The following LRMDA variants were observed in gnomAD, a reference collection of about 807,000 sequenced individuals.
The protein encoded by LRMDA is leucine rich melanocyte differentiation associated, also known as leucine-rich melanocyte differentiation-associated protein.
In LRMDA, 18 loss-of-function variants were observed where a neutral mutation model predicts 29.8. That is an observed-to-expected ratio of 0.60 (90% CI 0.42 to 0.90). The LOEUF is 0.90. Ranked by LOEUF, LRMDA falls within the 40% of genes least tolerant of loss-of-function variation. The pLI is 0.00. For synonymous variants in LRMDA, 125 were observed against 109.4 expected (o/e 1.14, Z -0.89); for missense variants, 273 against 273.9 (o/e 1.00, Z 0.02).
chr10:75,968,370 C>A (rs974831056), intron 2 of LRMDA, among the ~76,000 whole-genome samples: 4 of 152,134 alleles, frequency 2.6e-5, no homozygotes, highest in African/African-American at 9.7e-5. Context: ...GCCGGGAGAC[C>A]AGCCCATCTT....
intron 2 of LRMDA, among the ~76,000 whole-genome samples, chr10:75,921,140 G>A (rs1285875070): frequency 6.6e-6 from 1 of 152,158 alleles, no homozygotes; most frequent in African/African-American, 2.4e-5. Context: ...AAAATGCCAA[G>A]TTGCTGGAGA....
At chr10:75,515,566 G>C (rs2132034472) in intron 2 of LRMDA, among the ~76,000 whole-genome samples, 1 of 152,160 alleles carries the variant, frequency 6.6e-6, no homozygotes, top group South Asian at 2.1e-4. Context: ...TAATAGTAAA[G>C]ACAGGGTCTT....
At chr10:76,165,889 A>C in intron 5 of LRMDA, among the ~76,000 whole-genome samples, 1 of 152,210 alleles carries the variant, frequency 6.6e-6, no homozygotes, top group East Asian at 1.9e-4. Context: ...CCATATCAGC[A>C]CACTCATTCA....
intron 2 of LRMDA, among the ~76,000 whole-genome samples, chr10:75,468,273 C>CT (rs1265187409): frequency 6.6e-6 from 1 of 151,950 alleles, no homozygotes. Flanking sequence ...TAACTGAATC[C>CT]TTTTTTTGGG....
At chr10:76,397,746 C>G (rs1201613260) in intron 6 of LRMDA, among the ~76,000 whole-genome samples, 1 of 152,152 alleles carries the variant, frequency 6.6e-6, no homozygotes, top group Non-Finnish European at 1.5e-5. Context: ...TCAACAGTTC[C>G]CCTGCAGGAT....
chr10:76,237,235 A>G (rs1331320974), intron 5 of LRMDA, among the ~76,000 whole-genome samples: 2 of 152,214 alleles, frequency 1.3e-5, no homozygotes, highest in African/African-American at 4.8e-5. Flanking sequence ...CCCCATAAAC[A>G]TTACTGAAAA....
chr10:75,521,335 A>G (rs536452234), intron 2 of LRMDA, among the ~76,000 whole-genome samples: 12 of 152,356 alleles, frequency 7.9e-5, no homozygotes, highest in African/African-American at 2.2e-4. Context: ...TAGAGGCAGT[A>G]GGCCTTGCTG....
intron 5 of LRMDA, among the ~76,000 whole-genome samples, chr10:76,141,670 G>A (rs1850203426): frequency 1.3e-5 from 2 of 152,022 alleles, no homozygotes; most frequent in African/African-American, 4.8e-5. Context: ...AATTCGAAAG[G>A]TGATCTAGAT....
In LRMDA at chr10:76,058,792, C is replaced by A; in HGVS notation, c.516+9C>A. 6.3e-7 allele frequency: 1 copy of A among 1,592,430 alleles called. No individual in the cohort carries two copies. Among genetic ancestry groups the A allele is most frequent in the Non-Finnish European group, 8.6e-7 (1 of 1,160,304 alleles). On this transcript the variant is annotated intron_variant, in intron 5 of 6. Transcript: ENST00000611255. ...AGGTGGTGAAGCCCAAGGTGAGCTG[C>A]CTACTTGCTGTTCTTCACAAGGGAT...
rs1257552921 is a variant in LRMDA at position 76,498,830 on chromosome 10, CTT to C, written c.602-58378_602-58377del. Among the ~76,000 whole-genome samples, 5 of 75,852 alleles carry C rather than the reference CTT, an allele frequency of 6.6e-5. 2 individuals carry two copies. The East Asian group carries it at 1.3e-3, about 19-fold the overall frequency. 49.8% of individuals were successfully genotyped at this position (75,852 alleles called of 152,430 possible). On this transcript the variant is annotated intron_variant, in intron 6 of 6. Transcript: ENST00000611255. ...AACTGAAATGGGTCTTCTTTTGACT[CTT>C]GGTCTTTCCTTAGTTAAGGGTGAGG...
intron 5 of LRMDA, among the ~76,000 whole-genome samples, chr10:76,317,616 C>T (rs551005491): frequency 6.6e-6 from 1 of 152,208 alleles, no homozygotes; most frequent in Non-Finnish European, 1.5e-5. Context: ...CTCTGTCACC[C>T]AGGCTGGAGT....
In LRMDA at chr10:75,783,775, A is replaced by G. The variant is rs1402871917; in HGVS notation, c.132-252233A>G. On this transcript the variant is annotated intron_variant, in intron 2 of 6. Transcript: ENST00000611255. ...AAGCGCCAGGCACATTACCTGGGAC[A>G]TGGTGAGCAAGTGCTCAATAAATGT... Among the ~76,000 whole-genome samples, 10 of 152,352 alleles carry G rather than the reference A, an allele frequency of 6.6e-5. No homozygotes were observed. In the South Asian group the frequency reaches 1.0e-3, roughly 16 times the overall value.
chr10:76,221,845 A>G (rs1310167458), intron 5 of LRMDA, among the ~76,000 whole-genome samples: 2 of 152,148 alleles, frequency 1.3e-5, no homozygotes, highest in Non-Finnish European at 2.9e-5. Flanking sequence ...AGCTGGAGGC[A>G]TCACACTACC....
intron 6 of LRMDA, among the ~76,000 whole-genome samples, chr10:76,462,889 G>C (rs763558241): frequency 3.9e-5 from 6 of 152,166 alleles, no homozygotes; most frequent in Non-Finnish European, 8.8e-5. Context: ...ACTTCCCGCT[G>C]TTCCCCTGTG....
At chr10:75,911,005 A>T (rs181166217) in intron 2 of LRMDA, among the ~76,000 whole-genome samples, 1 of 150,782 alleles carries the variant, frequency 6.6e-6, no homozygotes, top group East Asian at 2.2e-4. Context: ...CTCACTATTA[A>T]ACAGCATTTT....
rs77943331 is a variant in LRMDA, at chr10:76,063,859, A to C, written c.516+5076A>C. ...TAGGTTTCCATGCAAAAGGCCATCT[A>C]GGATGAAGACGGAATGATTCATAAG... On this transcript the variant is annotated intron_variant, in intron 5 of 6. Transcript: ENST00000611255. 2.0e-5 allele frequency among the ~76,000 whole-genome samples: 3 copies of C among 152,258 alleles called. No homozygotes were observed. In the East Asian group the frequency reaches 5.8e-4, roughly 29 times the overall value.
intron 6 of LRMDA, among the ~76,000 whole-genome samples, chr10:76,363,126 A>T (rs965499963): frequency 4.7e-5 from 1 of 21,164 alleles, no homozygotes; most frequent in Non-Finnish European, 9.6e-5. Flanking sequence ...GGAAAGAAAG[A>T]AAGAAAGAAA....
chr10:76,451,182 T>C (rs1309038544), intron 6 of LRMDA, among the ~76,000 whole-genome samples: 1 of 152,020 alleles, frequency 6.6e-6, no homozygotes, highest in Admixed American at 6.6e-5. Flanking sequence ...CTAGGAAGCA[T>C]TCTTCTGTGT....
chr10:75,681,584 A>G (rs540027048), intron 2 of LRMDA, among the ~76,000 whole-genome samples: 2 of 152,286 alleles, frequency 1.3e-5, no homozygotes, highest in African/African-American at 4.8e-5. Flanking sequence ...CAGAGGTCGC[A>G]TGGAGCATGC....
Sources: gnomAD v4.1 joint callset for allele counts (sites outside exome capture counted in the v4.1 genomes callset) on GRCh38, gnomAD v4.1.1 for gene constraint, MANE v1.5 for transcripts, NCBI Gene and HGNC (gene_info 2026-07-23, HGNC 2026-07-21) for gene names.